R3HDM1: variants seen among roughly 807,000 people sequenced by gnomAD.
R3HDM1 encodes the protein R3H domain containing 1.
A neutral mutation model predicts 141.1 loss-of-function variants in R3HDM1; 46 were observed. The ratio of observed to expected loss-of-function variants is 0.33; its 90% CI spans 0.26 to 0.42. The LOEUF is 0.42. Ranked by LOEUF, R3HDM1 falls within the 10% of genes least tolerant of loss-of-function variation. The pLI, the probability that R3HDM1 is intolerant of heterozygous loss-of-function variation, is 1.00. For missense variants in R3HDM1, 1,184 were observed against 1,368.3 expected, an observed-to-expected ratio of 0.87 and a Z score of 2.12; for synonymous variants, 435 against 472.9, an observed-to-expected ratio of 0.92 and a Z score of 1.04.
At chr2:135,684,247 C>T (rs1372217361) in intron 21 of R3HDM1, among the ~76,000 whole-genome samples, 2 of 152,048 alleles carry the variant, frequency 1.3e-5, no homozygotes, top group East Asian at 1.9e-4. Flanking sequence ...CCCGCCACTA[C>T]GCCCGGCTAA....
intron 1 of R3HDM1, among the ~76,000 whole-genome samples, chr2:135,538,605 AG>A (rs1357598246): frequency 6.6e-6 from 1 of 152,086 alleles, no homozygotes; most frequent in Non-Finnish European, 1.5e-5. Context: ...CTATTTTAAA[AG>A]GTTTTGGAGT....
At chr2:135,646,100 T>G (rs1165719860) in intron 16 of R3HDM1, among the ~76,000 whole-genome samples, 1 of 152,162 alleles carries the variant, frequency 6.6e-6, no homozygotes, top group East Asian at 1.9e-4. Context: ...TTTGGGGAAC[T>G]TGACTATACC....
intron 5 of R3HDM1, 34 bp downstream of exon 5, chr2:135,616,791 T>C (rs763615239): frequency 6.7e-7 from 1 of 1,484,756 alleles, no homozygotes; most frequent in South Asian, 1.2e-5. Flanking sequence ...TTTCAAGACA[T>C]GGTGGAACTG....
In R3HDM1 at chr2:135,616,772, CAA is replaced by C. The variant is rs2061056459; in HGVS notation, c.303+17_303+18del. Reference sequence around the variant, plus strand: ...AGGAGAACCAGGTAAAAAAGCAAAACAAATGTTATTTCAAGACATGGTGGAAC... The same window carrying C: ...AGGAGAACCAGGTAAAAAAGCAAAACATGTTATTTCAAGACATGGTGGAAC... On this transcript the variant is annotated intron_variant, in intron 5 of 26. Coordinates refer to ENST00000683871, the MANE Select transcript of R3HDM1 (RefSeq NM_001378107.1). The C allele has an allele frequency of 1.9e-6, 3 of 1,552,278 alleles. No individual in the cohort carries two copies. Among genetic ancestry groups the C allele is most frequent in the African/African-American group, 1.4e-5 (1 of 73,656 alleles).
intron 9 of R3HDM1, among the ~76,000 whole-genome samples, chr2:135,635,547 T>C (rs2063168733): frequency 6.6e-6 from 1 of 152,248 alleles, no homozygotes; most frequent in Non-Finnish European, 1.5e-5. Context: ...GTACACTATA[T>C]AATTCCCATT....
chr2:135,605,025 G>T lies in R3HDM1; in HGVS notation c.171+9G>T. 6.4e-7 allele frequency: 1 copy of T among 1,555,350 alleles called. No homozygotes were observed. Among genetic ancestry groups the T allele is most frequent in the South Asian group, 1.2e-5 (1 of 85,692 alleles). On this transcript the variant is annotated intron_variant, in intron 3 of 26. Transcript: ENST00000683871. ...ACAATATAGATTTGCAGGTAAACAG[G>T]AATTTTTCTCTGGCTACAAATACTA... is the stretch of plus-strand genomic sequence containing the variant.
At chr2:135,549,721 T>C (rs2104924084) in intron 1 of R3HDM1, among the ~76,000 whole-genome samples, 1 of 152,236 alleles carries the variant, frequency 6.6e-6, no homozygotes, top group South Asian at 2.1e-4. Context: ...GGTTAGAGTT[T>C]ACCAGGAGTT....
At chr2:135,614,584 A>G (rs977766449) in intron 3 of R3HDM1, among the ~76,000 whole-genome samples, 7 of 152,244 alleles carry the variant, frequency 4.6e-5, no homozygotes, top group African/African-American at 1.7e-4. Context: ...AAGCAAATTC[A>G]AAAATTTAAG....
intron 14 of R3HDM1, among the ~76,000 whole-genome samples, chr2:135,639,603 A>G (rs1375938480): frequency 6.6e-6 from 1 of 152,240 alleles, no homozygotes; most frequent in Non-Finnish European, 1.5e-5. Flanking sequence ...AATTTAAAAA[A>G]CAAAAACAAG....
intron 23 of R3HDM1, among the ~76,000 whole-genome samples, chr2:135,711,456 G>A (rs986923017): frequency 6.6e-6 from 1 of 151,514 alleles, no homozygotes; most frequent in Admixed American, 6.6e-5. Context: ...GAACGCAGGA[G>A]TTCGAGACCA....
chr2:135,661,164 T>C (rs2066653653), intron 18 of R3HDM1, 106 bp from the exon 19 acceptor site: 2 of 1,335,532 alleles, frequency 1.5e-6, no homozygotes, highest in African/African-American at 2.9e-5. Context: ...TTTCCAATGA[T>C]TAGTGCTAAA....
At chr2:135,612,661 C>T (rs2105144019) in intron 3 of R3HDM1, among the ~76,000 whole-genome samples, 1 of 152,256 alleles carries the variant, frequency 6.6e-6, no homozygotes, top group Non-Finnish European at 1.5e-5. Flanking sequence ...TGTCCCTAAG[C>T]CTTCTAAATT....
At chr2:135,702,432 T>G (rs887041562) in intron 21 of R3HDM1, among the ~76,000 whole-genome samples, 1 of 151,886 alleles carries the variant, frequency 6.6e-6, no homozygotes, top group Non-Finnish European at 1.5e-5. Flanking sequence ...AGGCCAAGGC[T>G]GGCGGATCAC....
At chr2:135,557,288 C>T (rs2104946901) in intron 1 of R3HDM1, among the ~76,000 whole-genome samples, 1 of 151,884 alleles carries the variant, frequency 6.6e-6, no homozygotes, top group Non-Finnish European at 1.5e-5. Context: ...TTTTTACTGT[C>T]CATATTTAAC....
intron 21 of R3HDM1, among the ~76,000 whole-genome samples, chr2:135,699,038 G>GATAC (rs2073794889): frequency 1.0e-5 from 1 of 98,224 alleles, no homozygotes; most frequent in South Asian, 3.3e-4. Context: ...TAGATAGATA[G>GATAC]ATAGATAAGA....
chr2:135,615,413 G>A (rs2060932058), intron 3 of R3HDM1, among the ~76,000 whole-genome samples: 1 of 152,134 alleles, frequency 6.6e-6, no homozygotes, highest in Non-Finnish European at 1.5e-5. Flanking sequence ...GAAGAAAGGA[G>A]TGTTTAAAAC....
In R3HDM1 at chr2:135,675,379, G is replaced by A. The variant is rs1377283812; in HGVS notation, c.2200G>A (p.Gly734Arg). 9 of 1,613,800 alleles carry A rather than the reference G, an allele frequency of 5.6e-6. No homozygotes were observed. Among genetic ancestry groups the A allele is most frequent in the African/African-American group, 1.3e-5 (1 of 74,892 alleles). ...NQQQNYQGIV[G>R]VQQPQSQSLV... ...GCAGCAAAACTACCAAGGAATAGTT[G>A]GAGTTCAGCAACCCCAGAGTCAGAG... The change falls in exon 20 of 27, where the codon GGA becomes AGA. Residue 734 changes from glycine to arginine, a missense_variant. By Grantham distance (125) the Gly-to-Arg change is moderately radical (BLOSUM62 -2). Transcript: ENST00000683871.
intron 1 of R3HDM1, among the ~76,000 whole-genome samples, chr2:135,582,825 A>T (rs2105033975): frequency 6.6e-6 from 1 of 152,348 alleles, no homozygotes; most frequent in East Asian, 1.9e-4. Flanking sequence ...GTAAAGAAAA[A>T]ATAATCCTAA....
At chr2:135,615,616 T>C (rs1574372478) in intron 3 of R3HDM1, among the ~76,000 whole-genome samples, 1 of 152,200 alleles carries the variant, frequency 6.6e-6, no homozygotes, top group Non-Finnish European at 1.5e-5. Context: ...ACCTCAGACC[T>C]GATGAATAGG....
Sources: allele counts gnomAD v4.1 joint callset (sites outside exome capture counted in the v4.1 genomes callset), GRCh38; gene constraint gnomAD v4.1.1; transcripts MANE v1.5; gene names NCBI Gene and HGNC (gene_info 2026-07-23, HGNC 2026-07-21).